The following MCTP1 variants were observed in gnomAD, a reference collection of about 807,000 sequenced individuals.
The protein encoded by MCTP1 is multiple C2 and transmembrane domain containing 1, also known as multiple C2 and transmembrane domain-containing protein 1.
Under a neutral mutation model 120.6 loss-of-function variants are expected in MCTP1, and 69 were observed. That is an observed-to-expected ratio of 0.57 (90% confidence interval 0.47 to 0.70). MCTP1 has a LOEUF of 0.70. Among genes scored for constraint, MCTP1 ranks in the 30% least tolerant of loss-of-function variants. The pLI is 0.00. For synonymous variants in MCTP1, 529 were observed against 493.1 expected (o/e 1.07, Z -0.96); for missense variants, 1,203 against 1,248.8 (o/e 0.96, Z 0.55).
At chr5:95,158,823 C>A (rs1745406509) in intron 1 of MCTP1, among the ~76,000 whole-genome samples, 1 of 151,800 alleles carries the variant, frequency 6.6e-6, no homozygotes, top group African/African-American at 2.4e-5. Context: ...CCTATGGTCC[C>A]AGCTACTCAG....
intron 17 of MCTP1, among the ~76,000 whole-genome samples, chr5:94,801,921 C>T (rs183278529): frequency 1.3e-5 from 2 of 152,332 alleles, no homozygotes; most frequent in East Asian, 3.9e-4. Flanking sequence ...TCATCTTCCT[C>T]TTACCATATC....
chr5:94,970,137 G>A (rs1343643559), intron 2 of MCTP1, among the ~76,000 whole-genome samples: 1 of 151,942 alleles, frequency 6.6e-6, no homozygotes, highest in East Asian at 1.9e-4. Flanking sequence ...TGTAGCATAG[G>A]ATGGCACTAG....
intron 17 of MCTP1, among the ~76,000 whole-genome samples, chr5:94,858,139 A>G (rs1462591392): frequency 6.6e-6 from 1 of 151,700 alleles, no homozygotes; most frequent in Non-Finnish European, 1.5e-5. Context: ...CTGTTTAAGC[A>G]ACTCACTGAA....
chr5:94,913,052 C>T lies in MCTP1; in HGVS notation c.1351-76G>A, dbSNP rs758086434. 12 of 1,019,434 alleles carry T rather than the reference C, an allele frequency of 1.2e-5. No homozygotes were observed. The Admixed American group carries it at 1.6e-4, about 14-fold the overall frequency. The allele number at this position is 1,019,434 out of a possible 1,614,324, so 63.1% of individuals were successfully genotyped here. ...CCTCATTTTGGCGTTACCTTTTCTC[C>T]TGTTATGATTCTTCAAAAAATAAAG... On this transcript the variant is annotated intron_variant, in intron 8 of 22. Coordinates refer to ENST00000515393, the MANE Select transcript of MCTP1 (RefSeq NM_024717.7).
chr5:95,245,436 T>C lies in MCTP1; in HGVS notation c.720+38420A>G, dbSNP rs1756650646. The stretch of plus-strand genomic sequence containing the variant: ...AGGAAACTAAAAACCTTGAAAAAAG[T>C]TAGACAAATGGCTAACTAGAATAAA... On this transcript the variant is annotated intron_variant, in intron 1 of 22. Transcript: ENST00000515393. 2.0e-5 allele frequency among the ~76,000 whole-genome samples: 3 copies of C among 152,036 alleles called. No individual in the cohort carries two copies. In the South Asian group the frequency reaches 6.2e-4, roughly 32 times the overall value.
At chr5:94,943,754 T>G (rs966585006) in intron 3 of MCTP1, among the ~76,000 whole-genome samples, 1 of 151,634 alleles carries the variant, frequency 6.6e-6, no homozygotes, top group Non-Finnish European at 1.5e-5. Flanking sequence ...AGGAAGTAAG[T>G]AAGGAAGATC....
At chr5:95,167,757 T>C (rs1203752739) in intron 1 of MCTP1, among the ~76,000 whole-genome samples, 2 of 152,244 alleles carry the variant, frequency 1.3e-5, no homozygotes, top group African/African-American at 4.8e-5. Flanking sequence ...GATGGGGTTG[T>C]TTGTTTTTTC....
intron 19 of MCTP1, among the ~76,000 whole-genome samples, chr5:94,774,240 A>G (rs1359310659): frequency 2.6e-5 from 1 of 37,948 alleles, no homozygotes; most frequent in African/African-American, 1.4e-4. Flanking sequence ...AAAAAAAAAA[A>G]AAAAAAAAAG....
chr5:94,735,072 G>A (rs1042039951), intron 19 of MCTP1, among the ~76,000 whole-genome samples: 2 of 152,152 alleles, frequency 1.3e-5, no homozygotes, highest in African/African-American at 4.8e-5. Flanking sequence ...TACAAGAAGT[G>A]GAATTGTTTG....
chr5:94,743,538 A>G (rs1766087030), intron 19 of MCTP1, among the ~76,000 whole-genome samples: 1 of 151,908 alleles, frequency 6.6e-6, no homozygotes, highest in Non-Finnish European at 1.5e-5. Context: ...CATGGGGCCC[A>G]TGGAGAGGGC....
chr5:94,931,823 T>A lies in MCTP1; in HGVS notation c.1212+130A>T. On this transcript the variant is annotated intron_variant, in intron 6 of 22. Transcript: ENST00000515393. ...AAACATCACATGGTTGGCTTAAATT[T>A]ATGGGGAAAAGTAACAATTGAATAG... is the stretch of plus-strand genomic sequence containing the variant. 1.2e-5 allele frequency: 9 copies of A among 723,494 alleles called. No homozygotes were observed. In the South Asian group the frequency reaches 1.2e-4, roughly 10 times the overall value. 44.8% of individuals were successfully genotyped at this position (723,494 alleles called of 1,614,324 possible). A position where few individuals can be genotyped will look rare whatever the true frequency, so the allele number is the denominator to read the frequency against.
chr5:94,928,323 C>G (rs558189550), intron 6 of MCTP1, among the ~76,000 whole-genome samples: 2 of 151,798 alleles, frequency 1.3e-5, no homozygotes, highest in African/African-American at 4.8e-5. Context: ...TGGCTTGGCC[C>G]CACAAAATGT....
At chr5:95,227,134 C>T (rs1754371494) in intron 1 of MCTP1, among the ~76,000 whole-genome samples, 1 of 152,086 alleles carries the variant, frequency 6.6e-6, no homozygotes, top group Non-Finnish European at 1.5e-5. Flanking sequence ...AAATAAGAAC[C>T]TGACACTTTA....
chr5:94,801,588 TG>T lies in MCTP1; in HGVS notation c.2437-2457del, dbSNP rs1781245625. 2.6e-5 allele frequency among the ~76,000 whole-genome samples: 4 copies of T among 152,360 alleles called. No individual in the cohort carries two copies. In the South Asian group the frequency reaches 8.3e-4, roughly 32 times the overall value. ...GGCATTCATTTGACTTAGTGTGTTC[TG>T]GCGTCATGGATGGGACTCAGATTAT... On this transcript the variant is annotated intron_variant, in intron 17 of 22. Transcript: ENST00000515393.
At chr5:94,854,114 G>A (rs1794283435) in intron 17 of MCTP1, among the ~76,000 whole-genome samples, 3 of 151,946 alleles carry the variant, frequency 2.0e-5, no homozygotes. Context: ...CACTTCATCT[G>A]TTGCATAATG....
At chr5:94,888,242 C>T (rs1312675290) in intron 12 of MCTP1, among the ~76,000 whole-genome samples, 1 of 152,128 alleles carries the variant, frequency 6.6e-6, no homozygotes, top group African/African-American at 2.4e-5. Context: ...TTGCCATCAG[C>T]CTGTTTGTTA....
chr5:95,137,644 A>AT (rs1562172972), intron 1 of MCTP1, among the ~76,000 whole-genome samples: 2 of 152,186 alleles, frequency 1.3e-5, no homozygotes, highest in South Asian at 4.1e-4. Flanking sequence ...GTGGAAATCT[A>AT]TTGCTTGTAT....
chr5:94,756,203 G>A (rs1160894829), intron 19 of MCTP1, among the ~76,000 whole-genome samples: 2 of 152,330 alleles, frequency 1.3e-5, no homozygotes, highest in Admixed American at 1.3e-4. Context: ...CCACTTTGCA[G>A]ATGTGGTAAC....
intron 18 of MCTP1, among the ~76,000 whole-genome samples, chr5:94,794,581 G>C (rs537598468): frequency 1.1e-4 from 17 of 152,244 alleles, no homozygotes; most frequent in African/African-American, 3.4e-4. Context: ...GGCACAATTG[G>C]GTTCACATCA....
Sources: gnomAD v4.1 joint callset for allele counts (sites outside exome capture counted in the v4.1 genomes callset) on GRCh38, gnomAD v4.1.1 for gene constraint, MANE v1.5 for transcripts, NCBI Gene and HGNC (gene_info 2026-07-23, HGNC 2026-07-21) for gene names.